PIK3C2B: variants seen among roughly 807,000 people sequenced by gnomAD.
The protein encoded by PIK3C2B is phosphatidylinositol 4-phosphate 3-kinase C2 domain-containing subunit beta.
PIK3C2B carries 83 observed loss-of-function variants against 184.3 expected under a neutral mutation model. The ratio of observed to expected loss-of-function variants is 0.45; its 90% CI spans 0.38 to 0.54. The LOEUF (loss-of-function observed/expected upper bound fraction) is 0.54. Among genes scored for constraint, PIK3C2B ranks in the 20% least tolerant of loss-of-function variants. PIK3C2B has a pLI of 0.00. For missense variants in PIK3C2B, 1,736 were observed against 2,113.5 expected (o/e 0.82, Z 3.50); for synonymous variants, 779 against 837.6 (o/e 0.93, Z 1.21).
rs772724946 is a variant in PIK3C2B at position 204,424,980 on chromosome 1, G to A, written c.4777C>T (p.Leu1593=). The A allele has an allele frequency of 1.9e-6, 3 of 1,613,984 alleles. No individual in the cohort carries two copies. Among genetic ancestry groups the A allele is most frequent in the Admixed American group, 1.7e-5 (1 of 59,996 alleles). ...LQQRELQLSV[L]SEQGFWENVL... Reference sequence around the variant, plus strand: ...TTCTCCCAGAATCCCTGCTCACTCAGCACGCTCAGCTGGAGCTCCCGCTGC... The same window carrying A: ...TTCTCCCAGAATCCCTGCTCACTCAACACGCTCAGCTGGAGCTCCCGCTGC... The change falls in exon 33 of 33, where the codon CTG becomes TTG. Residue 1593 remains leucine (L), a synonymous_variant. Coordinates refer to ENST00000684373, the MANE Select transcript of PIK3C2B (RefSeq NM_001377334.1).
chr1:204,439,125 G>A, intron 22 of PIK3C2B, 54 bp from the exon 23 acceptor site: 2 of 1,583,968 alleles, frequency 1.3e-6, no homozygotes, highest in South Asian at 1.1e-5. Context: ...GGGGACTGCA[G>A]GGAGAGGACT....
Position 204,455,957 on chromosome 1 carries a change from C to G in PIK3C2B, c.1842G>C (p.Gly614=), listed in dbSNP as rs932372398. 1.2e-6 allele frequency: 2 copies of G among 1,614,174 alleles called. No homozygotes were observed. Among genetic ancestry groups the G allele is most frequent in the South Asian group, 2.2e-5 (2 of 91,084 alleles). Residue 614 remains glycine (G), a synonymous_variant, in exon 11 of 33, where the codon GGG becomes GGC. Coordinates refer to ENST00000684373, the MANE Select transcript of PIK3C2B (RefSeq NM_001377334.1). The stretch of plus-strand genomic sequence containing the variant: ...CCTGGACCAGGTCATGCTTGCGGCT[C>G]CCGGGCACTGCCGTCTGGAAGTCTG... ...FNADFQTAVP[G]SRKHDLVQEA...
chr1:204,430,435 AC>A (rs1428514967), intron 28 of PIK3C2B, among the ~76,000 whole-genome samples: 1 of 145,116 alleles, frequency 6.9e-6, no homozygotes, highest in African/African-American at 2.6e-5. Flanking sequence ...AACCTCCACC[AC>A]CCGGGTTCAA....
chr1:204,476,852 G>A (rs902981104), intron 1 of PIK3C2B, among the ~76,000 whole-genome samples: 1 of 152,240 alleles, frequency 6.6e-6, no homozygotes, highest in African/African-American at 2.4e-5. Context: ...GGTGGTTCAG[G>A]CTGCGTTCTC....
chr1:204,454,609 T>C (rs1558254211), intron 12 of PIK3C2B, 60 bp downstream of exon 12: 2 of 1,587,184 alleles, frequency 1.3e-6, no homozygotes, highest in Admixed American at 1.7e-5. Context: ...CCCAGGGATA[T>C]TTCAGAGGCT....
chr1:204,443,538 G>A lies in PIK3C2B; in HGVS notation c.2927C>T (p.Ala976Val). The change falls in exon 19 of 33, where the codon GCA becomes GTA. Residue 976 changes from alanine to valine, a missense_variant. Around this residue, in one of 8 missense-constraint regions of PIK3C2B, gnomAD observed 289 missense variants for 380.4 expected, o/e 0.76. Coordinates refer to ENST00000684373, the MANE Select transcript of PIK3C2B (RefSeq NM_001377334.1). ...QFSIRYQYLL[A>V]ALLCCCGKGL... ...CTTGCCACAGCAGCACAGTAAGGCT[G>A]CCAGCAGATACTGGTAGCGGATGCT... 6.2e-7 allele frequency: 1 copy of A among 1,614,150 alleles called. No homozygotes were observed. Among genetic ancestry groups the A allele is most frequent in the Non-Finnish European group, 8.5e-7 (1 of 1,179,970 alleles).
chr1:204,439,300 T>A (rs1158137390), intron 22 of PIK3C2B, among the ~76,000 whole-genome samples: 2 of 152,240 alleles, frequency 1.3e-5, no homozygotes, highest in Non-Finnish European at 2.9e-5. Flanking sequence ...CTGCTCCCTT[T>A]GTTTTTAGCT....
chr1:204,444,016 T>C (rs1376607205), intron 18 of PIK3C2B, 52 bp downstream of exon 18: 1 of 1,240,894 alleles, frequency 8.1e-7, no homozygotes, highest in African/African-American at 1.5e-5. Flanking sequence ...AGTGAAATAC[T>C]CCTACGTGAA....
chr1:204,431,243 G>T, intron 28 of PIK3C2B: 1 of 243,516 alleles, frequency 4.1e-6, no homozygotes, highest in Non-Finnish European at 8.2e-6. Context: ...TGCCGTTTTT[G>T]TTTTTTTGTG....
intron 1 of PIK3C2B, among the ~76,000 whole-genome samples, chr1:204,492,876 G>C (rs1658097177): frequency 6.6e-6 from 1 of 152,168 alleles, no homozygotes. Flanking sequence ...AAGGCCAAAG[G>C]AGAAGCAGCC....
intron 1 of PIK3C2B, among the ~76,000 whole-genome samples, chr1:204,482,428 C>T (rs560263914): frequency 1.3e-4 from 20 of 152,280 alleles, no homozygotes; most frequent in African/African-American, 4.1e-4. Flanking sequence ...TGAACCCAGC[C>T]GGAAGACCAA....
At position 204,449,941 on chromosome 1, in the gene PIK3C2B, G is replaced by A; in HGVS notation, c.2143C>T (p.Pro715Ser). Residue 715 changes from proline (P) to serine (S), a missense_variant, in exon 13 of 33, where the codon CCC becomes TCC. Around this residue, in one of 8 missense-constraint regions of PIK3C2B, gnomAD observed 609 missense variants for 699.2 expected, o/e 0.87. Coordinates refer to ENST00000684373, the MANE Select transcript of PIK3C2B (RefSeq NM_001377334.1). ...LCATLYALPI[P>S]PPGSSSEANK... is the part of the protein sequence containing the mutation. ...GCCTCTGAGGAGCTCCCCGGTGGGG[G>A]GATGGGCAGAGCATAGAGAGTGGCA... 6.2e-7 allele frequency: 1 copy of A among 1,612,386 alleles called. No homozygotes were observed. Among genetic ancestry groups the A allele is most frequent in the Non-Finnish European group, 8.5e-7 (1 of 1,179,370 alleles).
chr1:204,460,715 G>A, intron 5 of PIK3C2B, 54 bp from the exon 6 acceptor site: 1 of 1,056,194 alleles, frequency 9.5e-7, no homozygotes, highest in Non-Finnish European at 1.5e-6. Flanking sequence ...AGTGGCAAGG[G>A]AGATACATAC....
In PIK3C2B at chr1:204,447,609, G is replaced by T. The variant is rs1413926776; in HGVS notation, c.2347-31C>A. On this transcript the variant is annotated intron_variant, in intron 14 of 32. Transcript: ENST00000684373. This position sits in a 1 kb window ranked among gnomAD's most constrained non-coding sequence, Gnocchi z 4.1. The stretch of plus-strand genomic sequence containing the variant: ...GGATGAGATCAGGGATGTGAGGAGA[G>T]AAAACAGGCAGCGTGTGTGGACTCC... 1.1e-5 allele frequency: 18 copies of T among 1,573,038 alleles called. No homozygotes were observed. Among genetic ancestry groups the T allele is most frequent in the Non-Finnish European group, 1.6e-5 (18 of 1,153,908 alleles).
At chr1:204,478,921 C>T (rs1049179913) in intron 1 of PIK3C2B, among the ~76,000 whole-genome samples, 1 of 152,196 alleles carries the variant, frequency 6.6e-6, no homozygotes, top group African/African-American at 2.4e-5. Flanking sequence ...TCAGAGACCC[C>T]GATTCTAGCT....
intron 13 of PIK3C2B, 91 bp downstream of exon 13, chr1:204,449,759 G>T: frequency 8.2e-7 from 1 of 1,216,396 alleles, no homozygotes; most frequent in Non-Finnish European, 1.1e-6. Flanking sequence ...ACTCTCCCAA[G>T]GCGCACTGGC....
At chr1:204,476,265 G>T (rs568978170) in intron 1 of PIK3C2B, among the ~76,000 whole-genome samples, 1 of 152,110 alleles carries the variant, frequency 6.6e-6, no homozygotes, top group Admixed American at 6.5e-5. Flanking sequence ...TCTCTGTCAG[G>T]CTCTACATTA....
intron 1 of PIK3C2B, among the ~76,000 whole-genome samples, chr1:204,479,796 C>G (rs1260305320): frequency 2.6e-5 from 4 of 152,232 alleles, no homozygotes; most frequent in African/African-American, 9.6e-5. Context: ...GAATCCAGTT[C>G]TGCAGGATTC....
intron 3 of PIK3C2B, 21 bp downstream of exon 3, chr1:204,465,198 A>G (rs17847779): frequency 0.26 from 242,161 of 925,196 alleles, 32,693 homozygotes; most frequent in East Asian, 0.64. Context: ...CCCAAATCCC[A>G]CCCCATTCTT....
Sources: allele counts gnomAD v4.1 joint callset (sites outside exome capture counted in the v4.1 genomes callset), GRCh38; gene constraint gnomAD v4.1.1; regional missense constraint gnomAD v4.1.1; non-coding constraint Gnocchi (gnomAD v3.1); transcripts MANE v1.5; gene names NCBI Gene and HGNC (gene_info 2026-07-23, HGNC 2026-07-21).